NOMO2: variants seen among roughly 807,000 people sequenced by gnomAD.
NOMO2 encodes BOS complex subunit NOMO2.
In NOMO2, 14 loss-of-function variants were observed where a neutral mutation model predicts 67.1. The ratio of observed to expected loss-of-function variants is 0.21; its 90% CI spans 0.14 to 0.33. The LOEUF (loss-of-function observed/expected upper bound fraction) is 0.33, where lower values mean the gene tolerates loss of function less well. NOMO2 is among the 10% of genes least tolerant of loss of function. NOMO2 has a pLI of 1.00. For synonymous variants in NOMO2, 80 were observed against 305.9 expected (o/e 0.26, Z 7.71); for missense variants, 178 against 761.0 (o/e 0.23, Z 9.01).
intron 4 of NOMO2, among the ~76,000 whole-genome samples, chr16:18,551,066 C>A (rs1478276902): frequency 6.6e-6 from 1 of 150,918 alleles, no homozygotes; most frequent in African/African-American, 2.4e-5. Context: ...GGTGAAGGAG[C>A]GGGAGGGTGA....
chr16:18,528,986 A>ATAT (rs1901221658), intron 15 of NOMO2, among the ~76,000 whole-genome samples: 2 of 89,842 alleles, frequency 2.2e-5, no homozygotes, highest in African/African-American at 4.0e-5. Flanking sequence ...AAAAAAAAAA[A>ATAT]AAATACATAT....
At chr16:18,560,175 C>T (rs1252007628) in intron 1 of NOMO2, among the ~76,000 whole-genome samples, 5 of 151,874 alleles carry the variant, frequency 3.3e-5, no homozygotes, top group Non-Finnish European at 7.4e-5. Context: ...CACAGGATGG[C>T]AATGTAATCT....
intron 13 of NOMO2, 78 bp downstream of exon 13, chr16:18,531,388 G>A (rs1446511557): frequency 1.2e-6 from 2 of 1,611,766 alleles, no homozygotes; most frequent in Non-Finnish European, 1.7e-6. Context: ...AAAGGCAAAA[G>A]GAAAAGTTTC....
chr16:18,553,493 C>G (rs1488740010), intron 3 of NOMO2, among the ~76,000 whole-genome samples: 3 of 151,224 alleles, frequency 2.0e-5, no homozygotes, highest in East Asian at 1.9e-4. Context: ...TGTAGAAGGT[C>G]AGGGTGGTGG....
intron 15 of NOMO2, chr16:18,527,966 C>G (rs765674538): frequency 3.9e-6 from 2 of 509,982 alleles, no homozygotes; most frequent in Non-Finnish European, 7.7e-6. Context: ...TGGTCAGTAA[C>G]GAAGCTGTGA....
At position 18,535,831 on chromosome 16, in the gene NOMO2, C is replaced by G. The variant is rs116112752; in HGVS notation, c.1221-2652G>C. ...TTTTTTTCTGAGACGGAATCTCACC[C>G]TGTCGGCCAGGCTGGAGTGCAATGG... On this transcript the variant is annotated intron_variant, in intron 11 of 30. Transcript: ENST00000622306. Among the ~76,000 whole-genome samples, 744 of 152,006 alleles carry G rather than the reference C, an allele frequency of 4.9e-3. 8 individuals are homozygous for G. Among genetic ancestry groups the G allele is most frequent in the African/African-American group, 0.017 (706 of 41,438 alleles).
chr16:18,531,718 C>T (rs1176176329), intron 12 of NOMO2, 111 bp from the exon 13 acceptor site: 4 of 1,553,628 alleles, frequency 2.6e-6, no homozygotes, highest in African/African-American at 2.7e-5. Flanking sequence ...ATTTTGAAGG[C>T]CAAAGGTTCG....
chr16:18,556,442 CAAA>C (rs537109562), intron 2 of NOMO2, among the ~76,000 whole-genome samples: 5 of 80,360 alleles, frequency 6.2e-5, no homozygotes, highest in Admixed American at 1.4e-4. Context: ...GACTCTGTCT[CAAA>C]AAAAAAAAAA....
At chr16:18,561,195 A>AAAAAAAAAAAAAAAAAC (rs1902040200) in intron 1 of NOMO2, among the ~76,000 whole-genome samples, 2 of 100,412 alleles carry the variant, frequency 2.0e-5, no homozygotes, top group Non-Finnish European at 2.0e-5. Flanking sequence ...AAAAAAAAAA[A>AAAAAAAAAAAAAAAAAC]AAAAAAAAAA....
intron 6 of NOMO2, among the ~76,000 whole-genome samples, chr16:18,545,207 T>C (rs1208645853): frequency 6.7e-6 from 1 of 149,222 alleles, no homozygotes; most frequent in Non-Finnish European, 1.5e-5. Flanking sequence ...GCGATTCTCC[T>C]GCCTCAGCCT....
At chr16:18,528,833 C>T (rs114515000) in intron 15 of NOMO2, among the ~76,000 whole-genome samples, 7,057 of 148,982 alleles carry the variant, frequency 0.047, 61 homozygotes, top group African/African-American at 0.16. Flanking sequence ...CTGAGCATGG[C>T]GGCACGCACC....
intron 15 of NOMO2, among the ~76,000 whole-genome samples, chr16:18,528,989 A>T (rs1233311180): frequency 2.8e-5 from 1 of 36,252 alleles, no homozygotes; most frequent in Admixed American, 4.3e-4. Context: ...AAAAAAAAAA[A>T]TACATATATA....
chr16:18,552,496 CAA>C (rs1901810405), intron 3 of NOMO2, among the ~76,000 whole-genome samples: 1 of 126,030 alleles, frequency 7.9e-6, no homozygotes, highest in Admixed American at 8.6e-5. Context: ...CACACACACA[CAA>C]AGACTCCAAT....
intron 11 of NOMO2, among the ~76,000 whole-genome samples, chr16:18,535,386 G>A (rs1054182880): frequency 1.1e-4 from 10 of 91,264 alleles, no homozygotes; most frequent in Non-Finnish European, 3.1e-4. Flanking sequence ...GTACTACGTC[G>A]GCCAATAAAA....
intron 1 of NOMO2, chr16:18,558,916 A>G: frequency 6.6e-6 from 3 of 453,248 alleles, no homozygotes; most frequent in Non-Finnish European, 8.9e-6. Flanking sequence ...TCATGCCTGT[A>G]ATCCCAGCAC....
intron 6 of NOMO2, among the ~76,000 whole-genome samples, chr16:18,545,512 A>G (rs1313181858): frequency 6.6e-6 from 1 of 150,868 alleles, no homozygotes; most frequent in Non-Finnish European, 1.5e-5. Context: ...TAAGTGCGTA[A>G]AACCTACAGA....
Position 18,528,724 on chromosome 16 carries a change from A to G in NOMO2, c.1806+777T>C, listed in dbSNP as rs71390561. Among the ~76,000 whole-genome samples the G allele has an allele frequency of 3.4e-3, 511 of 150,602 alleles. 3 individuals are homozygous for G. Among genetic ancestry groups the G allele is most frequent in the African/African-American group, 6.9e-3 (280 of 40,642 alleles). On this transcript the variant is annotated intron_variant, in intron 15 of 30. Coordinates refer to ENST00000622306, the MANE Select transcript of NOMO2 (RefSeq NM_173614.4). The stretch of plus-strand genomic sequence containing the variant: ...AATCCTAGCACTCTGCGAGGCCAAC[A>G]CAGGTGGATCCCCTGAGGTCAGGAG...
chr16:18,562,065 C>G lies in NOMO2; in HGVS notation c.-25G>C, dbSNP rs964215274. ...TGGCCCGACCTCCCCCAGCTAGACC[C>G]ACCGCCGGCAGCCGGGTCCCGCCCC... On this transcript the variant is annotated 5_prime_UTR_variant, in exon 1 of 31. Transcript: ENST00000622306. 66 of 1,421,518 alleles carry G rather than the reference C, an allele frequency of 4.6e-5. No homozygotes were observed. The highest frequency in any genetic ancestry group is 2.6e-4 in the Middle Eastern group (1 of 3,834). The allele number at this position is 1,421,518 out of a possible 1,614,324, so 88.1% of individuals were successfully genotyped here. A position where few individuals can be genotyped will look rare whatever the true frequency, so the allele number is the denominator to read the frequency against.
intron 7 of NOMO2, 71 bp from the exon 8 acceptor site, chr16:18,542,802 C>T (rs1901577302): frequency 1.9e-6 from 1 of 539,740 alleles, no homozygotes; most frequent in Non-Finnish European, 3.3e-6. Context: ...CAATTAGCCA[C>T]ATTATAGGAA....
Sources: gnomAD v4.1 joint callset for allele counts (sites outside exome capture counted in the v4.1 genomes callset) on GRCh38, gnomAD v4.1.1 for gene constraint, MANE v1.5 for transcripts, NCBI Gene and HGNC (gene_info 2026-07-23, HGNC 2026-07-21) for gene names.